PNPLA4: variants seen among roughly 807,000 people sequenced by gnomAD.
PNPLA4 encodes the protein patatin-like phospholipase domain-containing protein 4.
In PNPLA4, 15 loss-of-function variants were observed where a neutral mutation model predicts 18.3. The ratio of observed to expected loss-of-function variants is 0.82; its 90% CI spans 0.55 to 1.26. PNPLA4 has a LOEUF of 1.26. Ranked by LOEUF, PNPLA4 falls within the 50% of genes most tolerant of loss-of-function variation. The probability of loss-of-function intolerance (pLI) is 0.00; values close to 1 mark genes in which losing one functional copy is unlikely to be tolerated. For missense variants in PNPLA4, 229 were observed against 196.8 expected (o/e 1.16, Z -0.98); for synonymous variants, 88 against 85.6 (o/e 1.03, Z -0.16).
At chrX:7,927,594 C>T (rs1162940377), upstream of PNPLA4, 1 of 113,511 alleles carries the variant, frequency 8.8e-6, no homozygotes, top group Non-Finnish European at 1.9e-5. Context: ...CTTCGAGTAC[C>T]TAGAGAGACA....
chrX:7,922,218 G>A, intron 2 of PNPLA4, 120 bp from the exon 3 acceptor site: 2 of 535,240 alleles, frequency 3.7e-6, no homozygotes, highest in Non-Finnish European at 3.2e-6. Flanking sequence ...TATTAAAGGT[G>A]TGCAAATTCC....
At position 7,900,788 on chromosome X, in the gene PNPLA4, G is replaced by A. The variant is rs1267057627; in HGVS notation, c.660C>T (p.Asn220=). The change falls in exon 7 of 7, where the codon AAC becomes AAT. Residue 220 remains asparagine (N), a synonymous_variant. Coordinates refer to ENST00000381042, the MANE Select transcript of PNPLA4 (RefSeq NM_004650.3). ...MLSLANLVRL[N]QALFPPSKRK... ...TCTTGCTTGGGGGAAAAAGGGCTTG[G>A]TTGAGTCTCACCAGGTTTGCCAGGG... The A allele has an allele frequency of 1.7e-6, 2 of 1,205,962 alleles. No homozygotes were observed. Among genetic ancestry groups the A allele is most frequent in the South Asian group, 3.6e-5 (2 of 55,986 alleles).
chrX:7,907,888 A>ATT, intron 5 of PNPLA4, among the ~76,000 whole-genome samples: 2 of 62,333 alleles, frequency 3.2e-5, no homozygotes, highest in Non-Finnish European at 2.9e-5. Flanking sequence ...TGCCTGGCTA[A>ATT]TTTTTGTTTT....
At chrX:7,923,918 G>A (rs1229889868) in intron 2 of PNPLA4, among the ~76,000 whole-genome samples, 1 of 111,326 alleles carries the variant, frequency 9.0e-6, no homozygotes, top group Non-Finnish European at 1.9e-5. Context: ...TGGATTGTAG[G>A]GAGCTTGAAT....
At chrX:7,918,784 A>G (rs1924124294) in intron 4 of PNPLA4, among the ~76,000 whole-genome samples, 1 of 111,491 alleles carries the variant, frequency 9.0e-6, no homozygotes, top group African/African-American at 3.3e-5. Context: ...TCACCGGAAC[A>G]TATATACTTG....
intron 6 of PNPLA4, among the ~76,000 whole-genome samples, chrX:7,901,604 C>T (rs1923537004): frequency 9.0e-6 from 1 of 110,999 alleles, no homozygotes; most frequent in South Asian, 3.8e-4. Flanking sequence ...AAAAAAATTG[C>T]TCTGATATCC....
chrX:7,919,420 G>C (rs184320272), intron 4 of PNPLA4, among the ~76,000 whole-genome samples: 1 of 112,187 alleles, frequency 8.9e-6, no homozygotes, highest in African/African-American at 3.2e-5. Flanking sequence ...AGGTTAAAGG[G>C]CAGATGCCCC....
rs2231794 is a variant in PNPLA4 at position 7,900,640 on chromosome X, C to A, written c.*46G>T. On this transcript the variant is annotated 3_prime_UTR_variant, in exon 7 of 7. Transcript: ENST00000381042. ...AAAGGATTTGATTAGAAACTTCCATCAAAAACTATCTAAAACGTGTTTTGC... is the reference window on the plus strand; with the variant it reads ...AAAGGATTTGATTAGAAACTTCCATAAAAAACTATCTAAAACGTGTTTTGC... The A allele has an allele frequency of 7.0e-4, 651 of 933,947 alleles. 7 individuals are homozygous for A. In the African/African-American group the frequency reaches 0.011, roughly 16 times the overall value. 77.0% of individuals were successfully genotyped at this position (933,947 alleles called of 1,213,427 possible).
chrX:7,924,712 G>A (rs1287240899), intron 2 of PNPLA4, among the ~76,000 whole-genome samples: 5 of 112,269 alleles, frequency 4.5e-5, no homozygotes, highest in African/African-American at 1.6e-4. Flanking sequence ...TCTTAACATG[G>A]CAGAATTTTA....
rs1418697308 is a variant in PNPLA4, at chrX:7,900,878, A to G, written c.631-61T>C. The G allele has an allele frequency of 3.4e-6, 3 of 890,078 alleles. No homozygotes were observed. The African/African-American group carries it at 6.2e-5, about 18-fold the overall frequency. 73.4% of individuals were successfully genotyped at this position (890,078 alleles called of 1,213,427 possible). A position where few individuals can be genotyped will look rare whatever the true frequency, so the allele number is the denominator to read the frequency against. On this transcript the variant is annotated intron_variant, in intron 6 of 6. Coordinates refer to ENST00000381042, the MANE Select transcript of PNPLA4 (RefSeq NM_004650.3). Reference sequence around the variant, plus strand: ...ATTGCAGTACAGGTAAATATACACTATTTTTATAATCTAGGTTTTCTTATC... The same window carrying G: ...ATTGCAGTACAGGTAAATATACACTGTTTTTATAATCTAGGTTTTCTTATC...
At chrX:7,926,873 GC>G (rs1174228506) in intron 1 of PNPLA4, among the ~76,000 whole-genome samples, 1 of 112,351 alleles carries the variant, frequency 8.9e-6, no homozygotes, top group Admixed American at 9.3e-5. Flanking sequence ...ATGAAATTGT[GC>G]CTCCACAAGG....
intron 4 of PNPLA4, among the ~76,000 whole-genome samples, chrX:7,914,076 C>A (rs1452743159): frequency 8.9e-6 from 1 of 112,181 alleles, no homozygotes; most frequent in African/African-American, 3.2e-5. Context: ...GGAAAGCATG[C>A]ACTTCTATTT....
intron 4 of PNPLA4, among the ~76,000 whole-genome samples, chrX:7,918,555 C>T (rs1424334746): frequency 2.7e-5 from 3 of 110,797 alleles, no homozygotes; most frequent in Admixed American, 9.6e-5. Flanking sequence ...CATATCAAGA[C>T]CCCAGGCTGT....
At chrX:7,911,236 C>T (rs969910135) in intron 5 of PNPLA4, among the ~76,000 whole-genome samples, 4 of 111,851 alleles carry the variant, frequency 3.6e-5, no homozygotes, top group African/African-American at 9.7e-5. Flanking sequence ...TTCCAGTATA[C>T]GTTAAATAAA....
At chrX:7,910,745 C>A (rs1205201323) in intron 5 of PNPLA4, among the ~76,000 whole-genome samples, 5 of 109,855 alleles carry the variant, frequency 4.6e-5, no homozygotes, top group African/African-American at 1.6e-4. Flanking sequence ...ATACATATCT[C>A]TGGTATGTGC....
At chrX:7,915,717 G>T (rs1458863947) in intron 4 of PNPLA4, among the ~76,000 whole-genome samples, 1 of 111,961 alleles carries the variant, frequency 8.9e-6, no homozygotes, top group Non-Finnish European at 1.9e-5. Context: ...AGCTTCCTTA[G>T]GGATTAAATT....
At chrX:7,905,204 A>G (rs1486799460) in intron 5 of PNPLA4, among the ~76,000 whole-genome samples, 1 of 112,720 alleles carries the variant, frequency 8.9e-6, no homozygotes. Context: ...TATAGCACTG[A>G]AAACTGGAAT....
In PNPLA4 at chrX:7,898,557, C is replaced by A. The variant is rs1254239908; in HGVS notation, c.*2129G>T. 2 of 111,562 alleles carry A rather than the reference C, an allele frequency of 1.8e-5. No homozygotes were observed. 9.2% of individuals were successfully genotyped at this position (111,562 alleles called of 1,213,427 possible). A position where few individuals can be genotyped will look rare whatever the true frequency, so the allele number is the denominator to read the frequency against. On this transcript the variant is annotated 3_prime_UTR_variant, in exon 7 of 7. Transcript: ENST00000381042. ...CACAGGAGAATTTGGTGCACCAGCC[C>A]CGGAGAGCGCCTAGTGTGCACCAAG...
chrX:7,911,693 T>G (rs1408814267), intron 5 of PNPLA4, among the ~76,000 whole-genome samples: 1 of 110,732 alleles, frequency 9.0e-6, no homozygotes. Flanking sequence ...CTAAAGCCTT[T>G]TCTCACCCTG....
Sources: allele counts gnomAD v4.1 joint callset (sites outside exome capture counted in the v4.1 genomes callset), GRCh38; gene constraint gnomAD v4.1.1; transcripts MANE v1.5; gene names NCBI Gene and HGNC (gene_info 2026-07-23, HGNC 2026-07-21).